Variants in CSMD1 observed in about 807,000 individuals in gnomAD.
The protein encoded by CSMD1 is CUB and sushi domain-containing protein 1.
In CSMD1, 213 loss-of-function variants were observed where a neutral mutation model predicts 417.5. The observed-to-expected ratio is 0.51, with a 90% CI of 0.46 to 0.57. The LOEUF is 0.57. Ranked by LOEUF, CSMD1 falls within the 20% of genes least tolerant of loss-of-function variation. The pLI, the probability that CSMD1 is intolerant of heterozygous loss-of-function variation, is 0.00. For missense variants in CSMD1, 6,923 were observed against 4,529.7 expected (o/e 1.53, Z -15.17); for synonymous variants, 2,862 against 1,736.8 (o/e 1.65, Z -16.11).
At chr8:4,107,322 G>A (rs983664606) in intron 3 of CSMD1, among the ~76,000 whole-genome samples, 1 of 152,164 alleles carries the variant, frequency 6.6e-6, no homozygotes, top group African/African-American at 2.4e-5. Flanking sequence ...GAAATAGAGA[G>A]GATTTCCATT....
chr8:4,042,410 A>G (rs1035844426), intron 3 of CSMD1, among the ~76,000 whole-genome samples: 1 of 152,178 alleles, frequency 6.6e-6, no homozygotes, highest in African/African-American at 2.4e-5. Flanking sequence ...GAAATAACGA[A>G]TAAGCAAAAC....
Position 3,506,426 on chromosome 8 carries a change from G to A in CSMD1, c.1345-12700C>T, listed in dbSNP as rs118177989. ...ACATGTGTAGAGAGGAGAAGGTGCC[G>A]AATGGGTAAGTACTCACATTCTCAC... On this transcript the variant is annotated intron_variant, in intron 10 of 69. Coordinates refer to ENST00000635120, the MANE Select transcript of CSMD1 (RefSeq NM_033225.6). Among the ~76,000 whole-genome samples, 11 of 152,298 alleles carry A rather than the reference G, an allele frequency of 7.2e-5. No homozygotes were observed. The East Asian group carries it at 1.5e-3, about 21-fold the overall frequency.
chr8:3,723,266 A>G (rs981013212), intron 6 of CSMD1, among the ~76,000 whole-genome samples: 2 of 152,126 alleles, frequency 1.3e-5, no homozygotes, highest in Non-Finnish European at 2.9e-5. Flanking sequence ...GACTGTCCCA[A>G]TTCGAATCCT....
rs372689475 is a variant in CSMD1, at chr8:3,406,103, G to T, written c.2190C>A (p.Thr730=). ...TGCAGGTAATGGACTCGGATCCCTG[G>T]GTCTTGACAAAGCCATCATCACAGT... is the stretch of plus-strand genomic sequence containing the variant. ...SFHCDDGFVK[T]QGSESITCIL... is the part of the protein sequence containing the mutation. Residue 730 remains threonine, a synonymous_variant, in exon 15 of 70, where the codon ACC becomes ACA. Coordinates refer to ENST00000635120, the MANE Select transcript of CSMD1 (RefSeq NM_033225.6). 6.2e-7 allele frequency: 1 copy of T among 1,613,908 alleles called. No homozygotes were observed. The highest frequency in any genetic ancestry group is 8.5e-7 in the Non-Finnish European group (1 of 1,179,880).
At chr8:3,906,276 A>G (rs1808102621) in intron 5 of CSMD1, among the ~76,000 whole-genome samples, 1 of 139,814 alleles carries the variant, frequency 7.2e-6, no homozygotes, top group African/African-American at 2.4e-5. Flanking sequence ...GCTTCAAATA[A>G]AATCAATTGT....
At chr8:3,898,118 T>C (rs1467484028) in intron 5 of CSMD1, among the ~76,000 whole-genome samples, 2 of 152,166 alleles carry the variant, frequency 1.3e-5, no homozygotes, top group Non-Finnish European at 2.9e-5. Context: ...TCTCACCATA[T>C]AGCAGAGTTT....
At chr8:3,894,505 T>G (rs772155576) in intron 5 of CSMD1, among the ~76,000 whole-genome samples, 4 of 152,208 alleles carry the variant, frequency 2.6e-5, no homozygotes, top group Non-Finnish European at 5.9e-5. Context: ...TTTTAACATT[T>G]GCCAAATTAA....
At chr8:4,879,566 G>T (rs2116949023) in intron 1 of CSMD1, among the ~76,000 whole-genome samples, 1 of 152,150 alleles carries the variant, frequency 6.6e-6, no homozygotes, top group South Asian at 2.1e-4. Flanking sequence ...ACGATTTCTA[G>T]GGAGATTTTT....
At chr8:4,778,415 C>T (rs572285862) in intron 1 of CSMD1, among the ~76,000 whole-genome samples, 1 of 152,096 alleles carries the variant, frequency 6.6e-6, no homozygotes, top group African/African-American at 2.4e-5. Flanking sequence ...TTCTAGAGCT[C>T]CGGTGGTAAT....
intron 25 of CSMD1, among the ~76,000 whole-genome samples, chr8:3,303,913 C>G (rs1052136593): frequency 6.6e-6 from 1 of 150,548 alleles, no homozygotes; most frequent in Non-Finnish European, 1.5e-5. Context: ...GACCCAAGTG[C>G]CCCATAATAA....
intron 5 of CSMD1, chr8:3,949,926 A>T (rs935280646): frequency 4.4e-6 from 2 of 455,974 alleles, no homozygotes; most frequent in Non-Finnish European, 8.8e-6. Context: ...TTGAGGCAGG[A>T]CGTGAAAACA....
At chr8:4,620,501 T>A (rs1019523882) in intron 2 of CSMD1, among the ~76,000 whole-genome samples, 1 of 151,562 alleles carries the variant, frequency 6.6e-6, no homozygotes, top group African/African-American at 2.4e-5. Flanking sequence ...TACCCCAAGA[T>A]GATAAAAGAC....
chr8:4,073,011 G>T (rs1196974593), intron 3 of CSMD1, among the ~76,000 whole-genome samples: 1 of 152,148 alleles, frequency 6.6e-6, no homozygotes, highest in African/African-American at 2.4e-5. Context: ...CTATATGTAA[G>T]GACCAACCCA....
chr8:4,169,204 A>G lies in CSMD1; in HGVS notation c.416-137105T>C, dbSNP rs142125067. Among the ~76,000 whole-genome samples the G allele has an allele frequency of 1.2e-3, 190 of 152,256 alleles. 1 individual carries two copies. The highest frequency in any genetic ancestry group is 0.01 in the South Asian group (49 of 4,818). ...GAATGTTAACATAGTGTACGTCACC[A>G]ACACATGTCTGAGCAAAGTCCAGCA... On this transcript the variant is annotated intron_variant, in intron 3 of 69. Transcript: ENST00000635120.
At chr8:3,954,124 A>T (rs1434555823) in intron 5 of CSMD1, among the ~76,000 whole-genome samples, 1 of 152,178 alleles carries the variant, frequency 6.6e-6, no homozygotes, top group Non-Finnish European at 1.5e-5. Flanking sequence ...GAGAGATCCC[A>T]GTTTCCCGAG....
rs186715797 is a variant in CSMD1, at chr8:4,788,505, G to A, written c.86-150947C>T. The A allele has an allele frequency of 5.8e-4, 791 of 1,370,296 alleles. 4 individuals are homozygous for A. In the African/African-American group the frequency reaches 0.01, roughly 18 times the overall value. 84.9% of individuals were successfully genotyped at this position (1,370,296 alleles called of 1,614,324 possible). ...TTTGGGGTAGACAACCATTTAGTATGGAGCAAACTGTGAGCAAGCATTTTG... is the reference window on the plus strand; with the variant it reads ...TTTGGGGTAGACAACCATTTAGTATAGAGCAAACTGTGAGCAAGCATTTTG... On this transcript the variant is annotated intron_variant, in intron 1 of 69. Transcript: ENST00000635120.
chr8:4,631,173 C>G (rs963463783), intron 2 of CSMD1, among the ~76,000 whole-genome samples: 1 of 151,904 alleles, frequency 6.6e-6, no homozygotes, highest in Non-Finnish European at 1.5e-5. Flanking sequence ...CCAGCCTGGC[C>G]AATATGGTGA....
chr8:3,296,177 T>A (rs1042229818), intron 25 of CSMD1, among the ~76,000 whole-genome samples: 7 of 151,880 alleles, frequency 4.6e-5, no homozygotes, highest in Admixed American at 1.3e-4. Context: ...CCTGAAGTAT[T>A]AAATGGGGTG....
intron 6 of CSMD1, among the ~76,000 whole-genome samples, chr8:3,732,198 C>T (rs535518343): frequency 1.6e-4 from 24 of 152,240 alleles, no homozygotes; most frequent in East Asian, 5.8e-4. Context: ...AGAGTCTTTC[C>T]GAGAGGACTC....
Sources: gnomAD v4.1 joint callset for allele counts (sites outside exome capture counted in the v4.1 genomes callset) on GRCh38, gnomAD v4.1.1 for gene constraint, MANE v1.5 for transcripts, NCBI Gene and HGNC (gene_info 2026-07-23, HGNC 2026-07-21) for gene names.